The following XCR1 variants were observed in gnomAD, a reference collection of about 807,000 sequenced individuals.
XCR1 encodes the protein X-C motif chemokine receptor 1.
For missense variants in XCR1, 356 were observed against 424.2 expected (o/e 0.84, Z 1.41); for synonymous variants, 187 against 188.5 (o/e 0.99, Z 0.06).
intron 1 of XCR1, among the ~76,000 whole-genome samples, chr3:46,080,457 G>A (rs1462746117): frequency 1.3e-5 from 2 of 152,162 alleles, no homozygotes; most frequent in Non-Finnish European, 2.9e-5. Flanking sequence ...AGCTACTTGG[G>A]AGGCTGAGGC....
intron 4 of XCR1, among the ~76,000 whole-genome samples, chr3:46,057,562 C>T (rs1343341877): frequency 6.6e-6 from 1 of 152,128 alleles, no homozygotes; most frequent in East Asian, 1.9e-4. Flanking sequence ...TATTCCACAG[C>T]TATTCAATCA....
At chr3:46,040,802 G>A (rs1175037894) in intron 5 of XCR1, among the ~76,000 whole-genome samples, 3 of 150,238 alleles carry the variant, frequency 2.0e-5, no homozygotes, top group Non-Finnish European at 4.4e-5. Flanking sequence ...AAGGACTCTT[G>A]AATGCATGTG....
At chr3:46,069,032 G>A (rs1453162805) in intron 3 of XCR1, among the ~76,000 whole-genome samples, 1 of 151,762 alleles carries the variant, frequency 6.6e-6, no homozygotes, top group Admixed American at 6.6e-5. Context: ...AGTCTCAAGG[G>A]CAATAAAAAT....
At position 46,020,647 on chromosome 3, in the gene XCR1, T is replaced by A. The variant is rs922881219; in HGVS notation, c.*299A>T. 2 of 420,972 alleles carry A rather than the reference T, an allele frequency of 4.8e-6. No homozygotes were observed. The highest frequency in any genetic ancestry group is 4.3e-6 in the Non-Finnish European group (1 of 233,150). 26.1% of individuals were successfully genotyped at this position (420,972 alleles called of 1,614,324 possible). Reference sequence around the variant, plus strand: ...AATCCTTTCATGTCTTAGAACCTTCTGAACTAAACAGTGATTAGAAACACA... The same window carrying A: ...AATCCTTTCATGTCTTAGAACCTTCAGAACTAAACAGTGATTAGAAACACA... On this transcript the variant is annotated 3_prime_UTR_variant, in exon 2 of 2. Coordinates refer to ENST00000309285, the MANE Select transcript of XCR1 (RefSeq NM_001024644.2).
At chr3:46,043,026 AT>A (rs56679412) in intron 5 of XCR1, among the ~76,000 whole-genome samples, 15,321 of 152,174 alleles carry the variant, frequency 0.1, 2,597 homozygotes, top group African/African-American at 0.35. Context: ...ATATAAAAAA[AT>A]CAATAATGTA....
In XCR1 at chr3:46,020,659, T is replaced by C. The variant is rs1575404592; in HGVS notation, c.*287A>G. ...TCTTAGAACCTTCTGAACTAAACAG[T>C]GATTAGAAACACATGTCTAAATGAA... On this transcript the variant is annotated 3_prime_UTR_variant, in exon 2 of 2. Transcript: ENST00000309285. 2.2e-6 allele frequency: 1 copy of C among 462,636 alleles called. No homozygotes were observed. Among genetic ancestry groups the C allele is most frequent in the Non-Finnish European group, 3.9e-6 (1 of 257,712 alleles). 28.7% of individuals were successfully genotyped at this position (462,636 alleles called of 1,614,324 possible). A position where few individuals can be genotyped will look rare whatever the true frequency, so the allele number is the denominator to read the frequency against.
chr3:46,054,700 G>A lies in XCR1; in HGVS notation c.-182-630C>T, dbSNP rs190080160. 9.7e-4 allele frequency among the ~76,000 whole-genome samples: 148 copies of A among 152,232 alleles called. 1 individual carries two copies. The highest frequency in any genetic ancestry group is 3.5e-3 in the African/African-American group (145 of 41,538). ...AGGTGCTGCAGCTGAGGAGATGGGA[G>A]CTCAGTCTCAAATCCATCTCCCTGA... On this transcript the variant is annotated intron_variant, in intron 4 of 5. Transcript: ENST00000683768.
intron 1 of XCR1, among the ~76,000 whole-genome samples, chr3:46,077,390 C>T (rs1031629448): frequency 6.6e-5 from 10 of 151,656 alleles, no homozygotes; most frequent in Non-Finnish European, 1.5e-4. Context: ...AATCTAATTC[C>T]TAATGATCTG....
At chr3:46,073,190 C>T (rs933096553) in intron 3 of XCR1, among the ~76,000 whole-genome samples, 49 of 151,972 alleles carry the variant, frequency 3.2e-4, no homozygotes, top group African/African-American at 1.1e-3. Context: ...CTAGGAAAAA[C>T]GAGACATTGG....
At chr3:46,043,306 G>A (rs993735924) in intron 5 of XCR1, among the ~76,000 whole-genome samples, 5 of 151,754 alleles carry the variant, frequency 3.3e-5, no homozygotes, top group African/African-American at 4.8e-5. Context: ...CCAACACGGT[G>A]GTCTATATCC....
At chr3:46,062,569 A>C (rs1176708358) in intron 4 of XCR1, among the ~76,000 whole-genome samples, 1 of 152,154 alleles carries the variant, frequency 6.6e-6, no homozygotes, top group Non-Finnish European at 1.5e-5. Context: ...CTCTGTCTAA[A>C]GGCTCTCCCT....
Position 46,047,975 on chromosome 3 carries a change from C to T in XCR1, c.-32+5945G>A, listed in dbSNP as rs557703816. Among the ~76,000 whole-genome samples the T allele has an allele frequency of 5.3e-5, 8 of 152,190 alleles. No individual in the cohort carries two copies. In the South Asian group the frequency reaches 1.0e-3, roughly 20 times the overall value. Reference sequence around the variant, plus strand: ...GTCAGCACAATTAGGGCGACTGGGCCGGGAATGGTTGATTAGCACACCAGT... The same window carrying T: ...GTCAGCACAATTAGGGCGACTGGGCTGGGAATGGTTGATTAGCACACCAGT... On this transcript the variant is annotated intron_variant, in intron 5 of 5. Transcript: ENST00000683768.
At chr3:46,034,349 GT>G (rs1223605290) in intron 5 of XCR1, among the ~76,000 whole-genome samples, 2 of 152,088 alleles carry the variant, frequency 1.3e-5, no homozygotes, top group Non-Finnish European at 2.9e-5. Flanking sequence ...AATTATAGGA[GT>G]TTTTTTGTGC....
chr3:46,023,826 T>C (rs899352980), intron 1 of XCR1: 1 of 1,532,552 alleles, frequency 6.5e-7, no homozygotes, highest in African/African-American at 1.4e-5. Flanking sequence ...AAATTGCAGA[T>C]TTGAAGAGAC....
At chr3:46,025,860 A>T (rs565155037) in intron 1 of XCR1, among the ~76,000 whole-genome samples, 1 of 152,342 alleles carries the variant, frequency 6.6e-6, no homozygotes, top group East Asian at 1.9e-4. Flanking sequence ...TTAGACCAAC[A>T]AATTACAATA....
Position 46,021,580 on chromosome 3 carries a change from A to ATGATGGTCAGGAAGAAGATGC in XCR1, c.347_367dup (p.Ser116_Ile122dup). ...TACCGACAGGTAGCGGTGGATGGTC[A>ATGATGGTCAGGAAGAAGATGC]TGATGGTCAGGAAGAAGATGCTGCT... On this transcript the variant is annotated inframe_insertion, in exon 2 of 2. Coordinates refer to ENST00000309285, the MANE Select transcript of XCR1 (RefSeq NM_001024644.2). This position sits in a 1 kb window ranked among gnomAD's most constrained non-coding sequence, Gnocchi z 4.7. 1.2e-6 allele frequency: 2 copies of ATGATGGTCAGGAAGAAGATGC among 1,611,898 alleles called. No homozygotes were observed. The highest frequency in any genetic ancestry group is 8.5e-7 in the Non-Finnish European group (1 of 1,178,898).
intron 3 of XCR1, among the ~76,000 whole-genome samples, chr3:46,070,260 G>GT (rs1428459636): frequency 6.6e-6 from 1 of 152,036 alleles, no homozygotes; most frequent in African/African-American, 2.4e-5. Context: ...ATATTCTATA[G>GT]TTTTGAGTGG....
chr3:46,078,903 A>G (rs1231162496), intron 1 of XCR1, among the ~76,000 whole-genome samples: 1 of 152,198 alleles, frequency 6.6e-6, no homozygotes, highest in Admixed American at 6.5e-5. Context: ...CCTCACCACA[A>G]GAACGTTTTT....
chr3:46,021,230 G>A lies in XCR1; in HGVS notation c.718C>T (p.Pro240Ser), dbSNP rs776645415. 6.2e-6 allele frequency: 10 copies of A among 1,614,212 alleles called. No homozygotes were observed. In the South Asian group the frequency reaches 1.1e-4, roughly 18 times the overall value. The change falls in exon 2 of 2, where the codon CCC becomes TCC. Residue 240 changes from proline (P) to serine (S), a missense_variant. Pro to Ser is a moderately conservative substitution (Grantham distance 74, BLOSUM62 -1). Transcript: ENST00000309285. This position sits in a 1 kb window ranked among gnomAD's most constrained non-coding sequence, Gnocchi z 4.7. ...IVVAYFLSWG[P>S]YNFTLFLQTL... ...TGCAGAAACAGGGTGAAGTTGTAGG[G>A]ACCCCAGCTGAGGAAGTAGGCCACC...
Sources: gnomAD v4.1 joint callset for allele counts (sites outside exome capture counted in the v4.1 genomes callset) on GRCh38, gnomAD v4.1.1 for gene constraint, Gnocchi (gnomAD v3.1) non-coding constraint, MANE v1.5 for transcripts, NCBI Gene and HGNC (gene_info 2026-07-23, HGNC 2026-07-21) for gene names.